Variants in TBC1D30 observed in about 807,000 individuals in gnomAD.
TBC1D30 encodes TBC1 domain family, member 30.
Under a neutral mutation model 63.2 loss-of-function variants are expected in TBC1D30, and 31 were observed. The ratio of observed to expected loss-of-function variants is 0.49; its 90% confidence interval spans 0.37 to 0.66. The LOEUF (loss-of-function observed/expected upper bound fraction) is 0.66, where lower values mean the gene tolerates loss of function less well. Ranked by LOEUF, TBC1D30 falls within the 30% of genes least tolerant of loss-of-function variation. The pLI is 0.00. For missense variants in TBC1D30, 810 were observed against 953.6 expected (o/e 0.85, Z 1.98); for synonymous variants, 307 against 361.5 (o/e 0.85, Z 1.71).
intron 2 of TBC1D30, among the ~76,000 whole-genome samples, chr12:64,795,254 C>T (rs145769389): frequency 4.6e-5 from 7 of 152,190 alleles, no homozygotes; most frequent in Admixed American, 2.6e-4. Context: ...ATCTCCTGCT[C>T]GAAGGGTGAA....
At chr12:64,833,925 A>G (rs143281450) in intron 5 of TBC1D30, among the ~76,000 whole-genome samples, 5 of 152,238 alleles carry the variant, frequency 3.3e-5, no homozygotes, top group Non-Finnish European at 5.9e-5. Flanking sequence ...TTCTAGAGCA[A>G]TTGGAATAAG....
intron 2 of TBC1D30, among the ~76,000 whole-genome samples, chr12:64,810,796 A>C (rs1873170654): frequency 6.6e-6 from 1 of 152,210 alleles, no homozygotes; most frequent in African/African-American, 2.4e-5. Flanking sequence ...TCTCCTGGGA[A>C]TTCCTCCTGA....
At chr12:64,759,776 C>A (rs1870427125) in intron 1 of TBC1D30, 1 of 160,420 alleles carries the variant, frequency 6.2e-6, no homozygotes, top group African/African-American at 2.4e-5. Context: ...CAAATACTAA[C>A]CAACCGATAA....
At chr12:64,802,508 A>G (rs1872636766) in intron 2 of TBC1D30, among the ~76,000 whole-genome samples, 1 of 151,294 alleles carries the variant, frequency 6.6e-6, no homozygotes. Flanking sequence ...CTTTCTTTTT[A>G]TTATTATACT....
exon 1 of TBC1D30, chr12:64,781,195 C>G: frequency 9.2e-7 from 1 of 1,090,536 alleles, no homozygotes; most frequent in Non-Finnish European, 1.1e-6. Context: ...TGGTCCTGGG[C>G]GGCCGCAGCG....
chr12:64,762,280 C>T (rs1870545573), intron 1 of TBC1D30, among the ~76,000 whole-genome samples: 1 of 152,122 alleles, frequency 6.6e-6, no homozygotes, highest in Admixed American at 6.5e-5. Context: ...GACCCAGATC[C>T]TATTTTAAGG....
At chr12:64,795,951 A>G (rs1375408912) in intron 2 of TBC1D30, among the ~76,000 whole-genome samples, 1 of 152,040 alleles carries the variant, frequency 6.6e-6, no homozygotes, top group Non-Finnish European at 1.5e-5. Context: ...AAAATTGTGA[A>G]TTTAATTACA....
At chr12:64,832,975 T>G (rs930276745) in intron 5 of TBC1D30, among the ~76,000 whole-genome samples, 2 of 152,080 alleles carry the variant, frequency 1.3e-5, no homozygotes, top group African/African-American at 4.8e-5. Flanking sequence ...AGAAGTGACA[T>G]CCCACTATAT....
intron 1 of TBC1D30, among the ~76,000 whole-genome samples, chr12:64,826,750 T>C (rs1258023549): frequency 6.6e-6 from 1 of 152,124 alleles, no homozygotes; most frequent in African/African-American, 2.4e-5. Context: ...ATCAAGGCAT[T>C]GATTGGATGC....
intron 2 of TBC1D30, among the ~76,000 whole-genome samples, chr12:64,817,892 A>C (rs768063217): frequency 6.6e-6 from 1 of 151,936 alleles, no homozygotes; most frequent in Non-Finnish European, 1.5e-5. Flanking sequence ...GTGAAACCCC[A>C]TGTCTACTAA....
chr12:64,875,097 G>A lies in TBC1D30; in HGVS notation c.1595G>A (p.Arg532Lys), dbSNP rs1878939561. The A allele has an allele frequency of 6.5e-7, 1 of 1,536,502 alleles. No individual in the cohort carries two copies. Among genetic ancestry groups the A allele is most frequent in the Non-Finnish European group, 8.7e-7 (1 of 1,146,972 alleles). ...GGAAAGAAGATGAAAATGACTAACA[G>A]AGCTGCCAAGAATGCTGTCATCCAC... ...LLGKKMKMTN[R>K]AAKNAVIHIP... The change falls in exon 12 of 12, where the codon AGA becomes AAA. Residue 532 changes from arginine (R) to lysine (K), a missense_variant. Coordinates refer to ENST00000539867, the MANE Select transcript of TBC1D30 (RefSeq NM_015279.2).
chr12:64,867,431 G>T (rs1236962437), intron 10 of TBC1D30, among the ~76,000 whole-genome samples: 4 of 150,806 alleles, frequency 2.7e-5, no homozygotes, highest in Non-Finnish European at 5.9e-5. Flanking sequence ...CTGCGCTCCA[G>T]TCTGGGCAAC....
chr12:64,829,617 T>A (rs183689698), intron 3 of TBC1D30, among the ~76,000 whole-genome samples: 70 of 152,310 alleles, frequency 4.6e-4, no homozygotes, highest in African/African-American at 1.6e-3. Context: ...TTTGGATATA[T>A]GCTTCTGAGG....
chr12:64,788,061 T>C (rs1028136626), intron 2 of TBC1D30, among the ~76,000 whole-genome samples: 1 of 151,770 alleles, frequency 6.6e-6, no homozygotes, highest in Non-Finnish European at 1.5e-5. Context: ...GAGTGCTGCT[T>C]GATTATCATA....
chr12:64,832,098 T>C, intron 4 of TBC1D30, 21 bp from the exon 5 acceptor site: 1 of 1,500,160 alleles, frequency 6.7e-7, no homozygotes, highest in Non-Finnish European at 8.9e-7. Context: ...TTTTTGAAAA[T>C]ATTGTTTCCC....
intron 9 of TBC1D30, 66 bp downstream of exon 9, chr12:64,864,846 A>T: frequency 8.8e-7 from 1 of 1,141,318 alleles, no homozygotes. Context: ...TGTTATTGTA[A>T]ATTAATATTT....
chr12:64,783,597 T>A (rs1871398444), intron 1 of TBC1D30, among the ~76,000 whole-genome samples: 1 of 151,920 alleles, frequency 6.6e-6, no homozygotes, highest in African/African-American at 2.4e-5. Context: ...AAGAGACCTG[T>A]TTCCATCCCC....
At chr12:64,859,087 G>A (rs1343705423) in intron 8 of TBC1D30, among the ~76,000 whole-genome samples, 1 of 151,784 alleles carries the variant, frequency 6.6e-6, no homozygotes, top group African/African-American at 2.4e-5. Context: ...AGGGTGTTGT[G>A]TGTGTGTGTG....
chr12:64,792,894 C>A (rs1345354279), intron 2 of TBC1D30, among the ~76,000 whole-genome samples: 8 of 152,150 alleles, frequency 5.3e-5, no homozygotes, highest in Non-Finnish European at 1.0e-4. Context: ...ATGGAATAAT[C>A]AACTAGGTTG....
Sources: gnomAD v4.1 joint callset for allele counts (sites outside exome capture counted in the v4.1 genomes callset) on GRCh38, gnomAD v4.1.1 for gene constraint, MANE v1.5 for transcripts, NCBI Gene and HGNC (gene_info 2026-07-23, HGNC 2026-07-21) for gene names.